Variants in RXFP1 observed in about 807,000 individuals in gnomAD.
RXFP1 encodes the protein relaxin receptor 1.
A neutral mutation model predicts 89.8 loss-of-function variants in RXFP1; 73 were observed. The observed-to-expected ratio is 0.81, with a 90% CI of 0.67 to 0.99. RXFP1 has a LOEUF of 0.99. Among genes scored for constraint, RXFP1 ranks in the 50% least tolerant of loss-of-function variants. RXFP1 has a pLI of 0.00. For synonymous variants in RXFP1, 277 were observed against 305.5 expected (o/e 0.91, Z 0.97); for missense variants, 793 against 895.5 (o/e 0.89, Z 1.46).
chr4:158,581,499 G>T (rs1169011372), intron 2 of RXFP1, among the ~76,000 whole-genome samples: 1 of 152,086 alleles, frequency 6.6e-6, no homozygotes, highest in Non-Finnish European at 1.5e-5. Context: ...TCCCTTTAAG[G>T]ATTTTGGTTT....
intron 8 of RXFP1, among the ~76,000 whole-genome samples, chr4:158,616,692 A>G (rs903988455): frequency 6.7e-6 from 1 of 150,186 alleles, no homozygotes; most frequent in African/African-American, 2.4e-5. Context: ...TAATTAAATT[A>G]TAATTTAAAT....
intron 1 of RXFP1, among the ~76,000 whole-genome samples, chr4:158,523,555 T>A (rs1741706486): frequency 6.6e-6 from 1 of 152,200 alleles, no homozygotes; most frequent in African/African-American, 2.4e-5. Flanking sequence ...AACTTCTCTT[T>A]TGATTCAAAA....
intron 1 of RXFP1, among the ~76,000 whole-genome samples, chr4:158,565,941 C>T (rs530526857): frequency 6.6e-6 from 1 of 152,208 alleles, no homozygotes; most frequent in African/African-American, 2.4e-5. Flanking sequence ...GATGCATAAC[C>T]TGAATCTAAT....
At chr4:158,542,109 A>ATATTTTTTT in intron 1 of RXFP1, among the ~76,000 whole-genome samples, 20 of 35,238 alleles carry the variant, frequency 5.7e-4, no homozygotes, top group South Asian at 2.4e-3. Context: ...ATATATATAT[A>ATATTTTTTT]TTTTTTTTTT....
intron 15 of RXFP1, 143 bp from the exon 16 acceptor site, chr4:158,646,648 A>C: frequency 1.1e-5 from 16 of 1,434,044 alleles, no homozygotes; most frequent in Non-Finnish European, 1.5e-5. Flanking sequence ...TCTGTAAATG[A>C]ATTATTAGGA....
At chr4:158,547,474 T>A (rs950925283) in intron 1 of RXFP1, among the ~76,000 whole-genome samples, 1 of 152,226 alleles carries the variant, frequency 6.6e-6, no homozygotes, top group Non-Finnish European at 1.5e-5. Flanking sequence ...ACTTTAGTTA[T>A]TTCTTGCTTC....
intron 6 of RXFP1, among the ~76,000 whole-genome samples, chr4:158,609,814 A>G (rs530224721): frequency 6.6e-6 from 1 of 152,290 alleles, no homozygotes; most frequent in African/African-American, 2.4e-5. Context: ...TCTTCTTTCC[A>G]TATATCTTTG....
chr4:158,612,009 G>A lies in RXFP1; in HGVS notation c.537-121G>A, dbSNP rs1763672097. 3 of 709,898 alleles carry A rather than the reference G, an allele frequency of 4.2e-6. No individual in the cohort carries two copies. The South Asian group carries it at 6.0e-5, about 14-fold the overall frequency. The allele number at this position is 709,898 out of a possible 1,614,324, so 44.0% of individuals were successfully genotyped here. A position where few individuals can be genotyped will look rare whatever the true frequency, so the allele number is the denominator to read the frequency against. On this transcript the variant is annotated intron_variant, in intron 6 of 17. Coordinates refer to ENST00000307765, the MANE Select transcript of RXFP1 (RefSeq NM_021634.4). ...GCAATTCTTAGAGATTCAAAGGCAG[G>A]GAAGTGGCATGATGAGAATGCTATG...
intron 11 of RXFP1, among the ~76,000 whole-genome samples, chr4:158,630,531 G>T (rs1346400567): frequency 6.6e-6 from 1 of 152,160 alleles, no homozygotes; most frequent in Admixed American, 6.5e-5. Context: ...CCTTCATGGT[G>T]GCAGTCAGGT....
chr4:158,566,047 T>C (rs1234596761), intron 1 of RXFP1, among the ~76,000 whole-genome samples: 1 of 152,204 alleles, frequency 6.6e-6, no homozygotes, highest in African/African-American at 2.4e-5. Context: ...GAAAAGAGGC[T>C]AAAGAAATGT....
intron 14 of RXFP1, among the ~76,000 whole-genome samples, chr4:158,639,807 C>G (rs1181430492): frequency 6.6e-6 from 1 of 151,988 alleles, no homozygotes; most frequent in Non-Finnish European, 1.5e-5. Context: ...TTGCAGTGAG[C>G]CAAGATGGTG....
At position 158,646,980 on chromosome 4, in the gene RXFP1, TC is replaced by T. The variant is rs770707225; in HGVS notation, c.1536del (p.Cys513AlafsTer9). On this transcript the variant is annotated frameshift_variant, in exon 16 of 18. Transcript: ENST00000307765. LOFTEE classifies it high-confidence loss of function. The part of the protein sequence containing the change: ...LLTFLTLEKY[I>X]CIVYPFRCVR... ...ACATTTCTGACATTGGAAAAATACA[TC>T]TGCATTGTCTATCCTTTTAGATGTG... 9.3e-6 allele frequency: 15 copies of T among 1,614,126 alleles called. No homozygotes were observed. The highest frequency in any genetic ancestry group is 1.1e-5 in the Non-Finnish European group (13 of 1,179,990).
chr4:158,599,078 G>T (rs564807462), intron 3 of RXFP1, among the ~76,000 whole-genome samples: 6 of 151,280 alleles, frequency 4.0e-5, no homozygotes, highest in Non-Finnish European at 8.9e-5. Flanking sequence ...AGAACAGTCT[G>T]CTTTTTTTAA....
intron 1 of RXFP1, among the ~76,000 whole-genome samples, chr4:158,538,804 CAAAAAAAAAAA>C (rs10603295): frequency 3.5e-5 from 3 of 85,058 alleles, no homozygotes; most frequent in African/African-American, 9.9e-5. Flanking sequence ...AATGCCGTCT[CAAAAAAAAAAA>C]AAAAAAAGAA....
chr4:158,563,663 C>A (rs1412768852), intron 1 of RXFP1, among the ~76,000 whole-genome samples: 3 of 151,878 alleles, frequency 2.0e-5, no homozygotes, highest in Non-Finnish European at 2.9e-5. Flanking sequence ...TTTCTATCAA[C>A]AATAAATCAT....
chr4:158,545,633 G>A (rs1220096049), intron 1 of RXFP1, among the ~76,000 whole-genome samples: 2 of 152,158 alleles, frequency 1.3e-5, no homozygotes, highest in Non-Finnish European at 2.9e-5. Context: ...TGTATAGGGT[G>A]TAAGGAAGGG....
chr4:158,609,152 A>G (rs368164888), intron 6 of RXFP1, among the ~76,000 whole-genome samples: 2 of 152,310 alleles, frequency 1.3e-5, no homozygotes, highest in East Asian at 3.9e-4. Context: ...TTCTGGGTAT[A>G]TACCAAGAAT....
chr4:158,605,582 T>C (rs1011197823), intron 5 of RXFP1, among the ~76,000 whole-genome samples: 6 of 152,224 alleles, frequency 3.9e-5, no homozygotes, highest in African/African-American at 1.4e-4. Context: ...TCACTGTGGG[T>C]TGAAACCTCT....
At chr4:158,632,802 TAA>T (rs1272950771) in intron 11 of RXFP1, among the ~76,000 whole-genome samples, 1 of 152,042 alleles carries the variant, frequency 6.6e-6, no homozygotes, top group African/African-American at 2.4e-5. Flanking sequence ...GCATCTATTC[TAA>T]CACACAAAAA....
Sources: gnomAD v4.1 joint callset for allele counts (sites outside exome capture counted in the v4.1 genomes callset) on GRCh38, gnomAD v4.1.1 for gene constraint, MANE v1.5 for transcripts, NCBI Gene and HGNC (gene_info 2026-07-23, HGNC 2026-07-21) for gene names.